The following C14orf132 variants were observed in gnomAD, a reference collection of about 807,000 sequenced individuals.
C14orf132 encodes uncharacterized protein C14orf132.
In C14orf132, 6 loss-of-function variants were observed where a neutral mutation model predicts 5.8. The observed-to-expected ratio is 1.03, with a 90% CI of 0.57 to 2.04. The LOEUF is 2.04. Ranked by LOEUF, C14orf132 falls within the 30% of genes most tolerant of loss-of-function variation. The pLI is 0.00. For missense variants in C14orf132, 125 were observed against 115.8 expected (o/e 1.08, Z -0.37); for synonymous variants, 51 against 49.8 (o/e 1.02, Z -0.10).
At chr14:96,072,411 G>A (rs961535072) in intron 1 of C14orf132, among the ~76,000 whole-genome samples, 1 of 152,210 alleles carries the variant, frequency 6.6e-6, no homozygotes, top group South Asian at 2.1e-4. Context: ...GGGCCCTGAG[G>A]ACTGCATGGA....
intron 1 of C14orf132, among the ~76,000 whole-genome samples, chr14:96,072,612 C>A (rs762171751): frequency 2.6e-5 from 4 of 152,202 alleles, no homozygotes; most frequent in Non-Finnish European, 5.9e-5. Flanking sequence ...AAATTTAGAA[C>A]TTTCCATCAC....
At chr14:96,072,177 G>A (rs530447227) in intron 1 of C14orf132, among the ~76,000 whole-genome samples, 2 of 152,352 alleles carry the variant, frequency 1.3e-5, no homozygotes, top group South Asian at 2.1e-4. Flanking sequence ...GAGAGTTGTC[G>A]CATGTTCTGC....
At chr14:96,085,606 G>A (rs947834141) in intron 1 of C14orf132, among the ~76,000 whole-genome samples, 2 of 152,192 alleles carry the variant, frequency 1.3e-5, no homozygotes, top group African/African-American at 2.4e-5. Flanking sequence ...CGGCGTGGGC[G>A]GTGGGAATTA....
At chr14:96,051,817 G>C (rs1305127982) in intron 1 of C14orf132, among the ~76,000 whole-genome samples, 1 of 152,204 alleles carries the variant, frequency 6.6e-6, no homozygotes, top group East Asian at 1.9e-4. Flanking sequence ...AATGTGGAAA[G>C]CCAGAAAGAA....
chr14:96,041,490 A>G (rs966609858), intron 1 of C14orf132, among the ~76,000 whole-genome samples: 2 of 152,270 alleles, frequency 1.3e-5, no homozygotes, highest in Middle Eastern at 3.4e-3. Context: ...TTTCAGAATG[A>G]TTTCTCTCTT....
At chr14:96,076,551 A>G (rs886224762) in intron 1 of C14orf132, among the ~76,000 whole-genome samples, 2 of 152,158 alleles carry the variant, frequency 1.3e-5, no homozygotes, top group Admixed American at 6.5e-5. Context: ...CCTGGGCCAC[A>G]TTGGAAGAAG....
chr14:96,085,953 G>C (rs200697105), intron 1 of C14orf132, among the ~76,000 whole-genome samples: 1 of 146,154 alleles, frequency 6.8e-6, no homozygotes, highest in East Asian at 4.0e-4. Context: ...CTCTGTCTCT[G>C]TCTCTCTCTC....
intron 1 of C14orf132, among the ~76,000 whole-genome samples, chr14:96,057,673 G>A (rs1304914000): frequency 2.6e-5 from 4 of 152,170 alleles, no homozygotes; most frequent in Non-Finnish European, 4.4e-5. Flanking sequence ...GAATCTGTTT[G>A]GCCTCCTGCT....
chr14:96,049,049 C>T (rs569388330), intron 1 of C14orf132, among the ~76,000 whole-genome samples: 14 of 151,858 alleles, frequency 9.2e-5, no homozygotes, highest in African/African-American at 2.4e-4. Flanking sequence ...CTCGGCATCC[C>T]GAGTAGCTGG....
intron 1 of C14orf132, among the ~76,000 whole-genome samples, chr14:96,061,632 T>G (rs1318857102): frequency 6.6e-6 from 1 of 152,108 alleles, no homozygotes; most frequent in African/African-American, 2.4e-5. Context: ...TTTAAAGAAA[T>G]AAACATCTCA....
At chr14:96,085,970 T>C (rs796791574) in intron 1 of C14orf132, among the ~76,000 whole-genome samples, 3 of 142,732 alleles carry the variant, frequency 2.1e-5, no homozygotes, top group African/African-American at 7.9e-5. Flanking sequence ...TCTCTCACTC[T>C]GTCTCTCTCT....
At chr14:96,072,446 G>A (rs926025876) in intron 1 of C14orf132, among the ~76,000 whole-genome samples, 1 of 152,202 alleles carries the variant, frequency 6.6e-6, no homozygotes, top group African/African-American at 2.4e-5. Context: ...GCTTGCCACA[G>A]TGCCTGGCTC....
intron 1 of C14orf132, among the ~76,000 whole-genome samples, chr14:96,060,628 C>G (rs149445135): frequency 7.2e-5 from 11 of 152,176 alleles, no homozygotes; most frequent in Non-Finnish European, 1.5e-4. Flanking sequence ...CTTTGCCTCA[C>G]CCATTCACTT....
intron 1 of C14orf132, among the ~76,000 whole-genome samples, chr14:96,046,891 T>C (rs1034658419): frequency 1.3e-5 from 2 of 152,212 alleles, no homozygotes; most frequent in African/African-American, 2.4e-5. Context: ...TTTTGTTATC[T>C]CTTGAAACTG....
At chr14:96,069,846 A>T (rs1463400993) in intron 1 of C14orf132, among the ~76,000 whole-genome samples, 1 of 152,204 alleles carries the variant, frequency 6.6e-6, no homozygotes, top group Non-Finnish European at 1.5e-5. Context: ...AGCAAACACC[A>T]ACCAACCTTT....
At chr14:96,080,270 A>G (rs1038578628) in intron 1 of C14orf132, among the ~76,000 whole-genome samples, 1 of 152,178 alleles carries the variant, frequency 6.6e-6, no homozygotes, top group Non-Finnish European at 1.5e-5. Context: ...TCAGGTCTCC[A>G]GGCCCAGAGC....
intron 1 of C14orf132, among the ~76,000 whole-genome samples, chr14:96,058,565 T>C (rs1887249290): frequency 1.3e-5 from 2 of 152,068 alleles, no homozygotes; most frequent in Non-Finnish European, 2.9e-5. Context: ...CAGTTTTTAA[T>C]TGAAGTTAAC....
intron 1 of C14orf132, among the ~76,000 whole-genome samples, chr14:96,065,016 A>G (rs927187270): frequency 1.3e-5 from 2 of 151,980 alleles, no homozygotes; most frequent in African/African-American, 4.8e-5. Context: ...TTCCTAACCC[A>G]GTGTGCTGTC....
intron 1 of C14orf132, among the ~76,000 whole-genome samples, chr14:96,063,354 G>A (rs1887421087): frequency 1.3e-5 from 2 of 152,252 alleles, no homozygotes; most frequent in South Asian, 4.1e-4. Context: ...TGTCACCCAG[G>A]CTGGAGTGTA....
Sources: gnomAD v4.1 joint callset for allele counts (sites outside exome capture counted in the v4.1 genomes callset) on GRCh38, gnomAD v4.1.1 for gene constraint, MANE v1.5 for transcripts, NCBI Gene and HGNC (gene_info 2026-07-23, HGNC 2026-07-21) for gene names.